The following KCNQ5 variants were observed in gnomAD, a reference collection of about 807,000 sequenced individuals.
KCNQ5 encodes potassium voltage-gated channel subfamily Q member 5.
Under a neutral mutation model 98.2 loss-of-function variants are expected in KCNQ5, and 30 were observed. That is an observed-to-expected ratio of 0.31 (90% CI 0.23 to 0.41). KCNQ5 has a LOEUF of 0.41. KCNQ5 is among the 10% of genes least tolerant of loss of function. KCNQ5 has a pLI of 1.00. For synonymous variants in KCNQ5, 458 were observed against 449.4 expected (o/e 1.02, Z -0.24); for missense variants, 835 against 1,182.5 (o/e 0.71, Z 4.31).
chr6:73,015,875 C>T (rs1005674443), intron 2 of KCNQ5, among the ~76,000 whole-genome samples: 3 of 152,134 alleles, frequency 2.0e-5, no homozygotes, highest in African/African-American at 7.2e-5. Context: ...ATACCTCCTC[C>T]TTCCTGAAAT....
intron 1 of KCNQ5, among the ~76,000 whole-genome samples, chr6:72,801,966 C>T (rs1774684969): frequency 6.6e-6 from 1 of 152,208 alleles, no homozygotes; most frequent in South Asian, 2.1e-4. Context: ...CCACTCTCTT[C>T]TGGCTTGTAG....
At chr6:73,157,907 C>T (rs1449601332) in intron 10 of KCNQ5, 3 of 775,774 alleles carry the variant, frequency 3.9e-6, no homozygotes, top group Middle Eastern at 2.6e-4. Context: ...GCCGCTTCTG[C>T]TCCTGCCCCG....
chr6:73,134,167 G>T (rs965658784), intron 10 of KCNQ5: 7 of 284,156 alleles, frequency 2.5e-5, no homozygotes, highest in South Asian at 1.1e-4. Flanking sequence ...AAGTTATTTC[G>T]AAGTCTTCCA....
rs374507668 is a variant in KCNQ5 at position 72,744,502 on chromosome 6, A to G, written c.398+121915A>G. Reference sequence around the variant, plus strand: ...ATCAGTAGGAATAGACAGCTATACAAAAGTGAAATAGAAAAAGTGGTAAGA... The same window carrying G: ...ATCAGTAGGAATAGACAGCTATACAGAAGTGAAATAGAAAAAGTGGTAAGA... On this transcript the variant is annotated intron_variant, in intron 1 of 13. Transcript: ENST00000370398. Among the ~76,000 whole-genome samples, 3 of 152,162 alleles carry G rather than the reference A, an allele frequency of 2.0e-5. No homozygotes were observed. In the East Asian group the frequency reaches 5.8e-4, roughly 29 times the overall value.
At chr6:73,016,038 A>G (rs1227882206) in intron 2 of KCNQ5, among the ~76,000 whole-genome samples, 1 of 152,160 alleles carries the variant, frequency 6.6e-6, no homozygotes, top group Non-Finnish European at 1.5e-5. Context: ...AAAACAGCCA[A>G]AATCTCTGTT....
At chr6:73,116,138 A>G (rs887614420) in intron 7 of KCNQ5, among the ~76,000 whole-genome samples, 5 of 152,186 alleles carry the variant, frequency 3.3e-5, no homozygotes, top group Non-Finnish European at 7.3e-5. Context: ...TATAAGAAAG[A>G]AAGAGCAGCC....
chr6:72,970,291 G>GT (rs912828595), intron 1 of KCNQ5, among the ~76,000 whole-genome samples: 2 of 151,952 alleles, frequency 1.3e-5, no homozygotes, highest in Admixed American at 6.5e-5. Flanking sequence ...TAAGAAACTA[G>GT]TCCCCCATAA....
At chr6:73,024,381 T>TGATAGATAGATAGACAGATA (rs1554198959) in intron 2 of KCNQ5, among the ~76,000 whole-genome samples, 1 of 120,654 alleles carries the variant, frequency 8.3e-6, no homozygotes, top group African/African-American at 3.1e-5. Context: ...GATAGATAGA[T>TGATAGATAGATAGACAGATA]GATAGATAGA....
chr6:73,192,846 T>C (rs1765642566), intron 13 of KCNQ5, among the ~76,000 whole-genome samples, 155 bp downstream of exon 13: 1 of 152,152 alleles, frequency 6.6e-6, no homozygotes, highest in African/African-American at 2.4e-5. Flanking sequence ...TAGACAGTGC[T>C]CTCTGAAACA....
chr6:73,132,571 G>A (rs1433475670), intron 9 of KCNQ5, among the ~76,000 whole-genome samples: 2 of 152,184 alleles, frequency 1.3e-5, no homozygotes, highest in Non-Finnish European at 2.9e-5. Flanking sequence ...TCTTGATTAG[G>A]AAAGTGTGAA....
chr6:72,660,332 A>C (rs1766445970), intron 1 of KCNQ5, among the ~76,000 whole-genome samples: 2 of 152,196 alleles, frequency 1.3e-5, no homozygotes, highest in South Asian at 4.1e-4. Context: ...CTTTGAGCTT[A>C]AGCTGTCAGA....
chr6:72,986,613 C>T, intron 1 of KCNQ5: 1 of 674,526 alleles, frequency 1.5e-6, no homozygotes, highest in African/African-American at 1.8e-5. Context: ...GAACCTGACA[C>T]CACGCTGCGT....
intron 1 of KCNQ5, among the ~76,000 whole-genome samples, chr6:72,753,722 G>A: frequency 6.6e-6 from 1 of 152,154 alleles, no homozygotes; most frequent in Middle Eastern, 3.4e-3. Flanking sequence ...GCCACTCATA[G>A]CTCAAGTGAT....
chr6:72,868,996 C>T (rs1778100217), intron 1 of KCNQ5, among the ~76,000 whole-genome samples: 1 of 152,016 alleles, frequency 6.6e-6, no homozygotes, highest in South Asian at 2.1e-4. Context: ...CTGTAATGTT[C>T]CTAACACAAA....
At chr6:73,104,152 A>G (rs1774910340) in intron 5 of KCNQ5, among the ~76,000 whole-genome samples, 1 of 152,092 alleles carries the variant, frequency 6.6e-6, no homozygotes, top group Non-Finnish European at 1.5e-5. Context: ...TAAGAAAGGA[A>G]GAAAGGAAAT....
intron 1 of KCNQ5, among the ~76,000 whole-genome samples, chr6:72,905,205 A>AAAGC: frequency 6.6e-6 from 1 of 152,258 alleles, no homozygotes; most frequent in South Asian, 2.1e-4. Flanking sequence ...CTATAAGTGC[A>AAAGC]TCCGATGCTT....
At chr6:73,003,815 T>G (rs1769700914) in intron 1 of KCNQ5, 93 bp from the exon 2 acceptor site, 4 of 791,664 alleles carry the variant, frequency 5.1e-6, no homozygotes, top group Non-Finnish European at 8.4e-6. Context: ...GCTAATTTAA[T>G]GGGCCTGGTG....
In KCNQ5 at chr6:72,924,009, T is replaced by C. The variant is rs562303443; in HGVS notation, c.399-79899T>C. ...AAAAGGTATTGAAATAATTCAATCA[T>C]AGTTTACTAAATGAGAACATTTTGC... On this transcript the variant is annotated intron_variant, in intron 1 of 13. Transcript: ENST00000370398. 2.0e-5 allele frequency among the ~76,000 whole-genome samples: 3 copies of C among 152,348 alleles called. No homozygotes were observed. In the East Asian group the frequency reaches 5.8e-4, roughly 29 times the overall value.
chr6:72,810,013 C>G (rs1775166627), intron 1 of KCNQ5, among the ~76,000 whole-genome samples: 1 of 152,114 alleles, frequency 6.6e-6, no homozygotes, highest in Non-Finnish European at 1.5e-5. Context: ...TAAGAAATAG[C>G]CTCTGATAAA....
Sources: gnomAD v4.1 joint callset for allele counts (sites outside exome capture counted in the v4.1 genomes callset) on GRCh38, gnomAD v4.1.1 for gene constraint, MANE v1.5 for transcripts, NCBI Gene and HGNC (gene_info 2026-07-23, HGNC 2026-07-21) for gene names.